SAMD5: variants seen among roughly 807,000 people sequenced by gnomAD.
SAMD5 encodes the protein sterile alpha motif domain-containing protein 5.
Under a neutral mutation model 11.3 loss-of-function variants are expected in SAMD5, and 13 were observed. The observed-to-expected ratio is 1.15, with a 90% CI of 0.75 to 1.83. SAMD5 has a LOEUF of 1.83. SAMD5 is among the 40% of genes most tolerant of loss of function. The pLI is 0.00. For missense variants in SAMD5, 255 were observed against 239.1 expected (o/e 1.07, Z -0.44); for synonymous variants, 129 against 111.3 (o/e 1.16, Z -1.00).
At position 147,687,703 on chromosome 6, in the gene SAMD5, G is replaced by A. The variant is rs966091984; in HGVS notation, c.163-49614G>A. Among the ~76,000 whole-genome samples, 4 of 152,192 alleles carry A rather than the reference G, an allele frequency of 2.6e-5. 1 individual carries two copies. The highest frequency in any genetic ancestry group is 1.9e-4 in the East Asian group (1 of 5,178). ...TATAAAGGATATTTTATTTATGAAG[G>A]ATGTTGTTACACCTGTAGAGTGTTT... On this transcript the variant is annotated intron_variant, in intron 1 of 1. Transcript: ENST00000566741.
At chr6:147,858,681 C>T in the SAMD5 span, among the ~76,000 whole-genome samples, 1 of 152,204 alleles carries the variant, frequency 6.6e-6, no homozygotes, top group Non-Finnish European at 1.5e-5. Flanking sequence ...TAAATCGCCC[C>T]ATCAGGCCTT....
chr6:147,838,517 A>T, the SAMD5 span, among the ~76,000 whole-genome samples: 13 of 148,632 alleles, frequency 8.7e-5, no homozygotes, highest in Admixed American at 8.8e-4. Context: ...CACACTAGGA[A>T]CTAAGAATAT....
chr6:147,926,714 A>G, the SAMD5 span, among the ~76,000 whole-genome samples: 1 of 152,074 alleles, frequency 6.6e-6, no homozygotes, highest in Non-Finnish European at 1.5e-5. Flanking sequence ...TTTTGTTGCA[A>G]TTGCTTTTGG....
At chr6:147,895,747 G>A in the SAMD5 span, among the ~76,000 whole-genome samples, 1 of 152,200 alleles carries the variant, frequency 6.6e-6, no homozygotes, top group African/African-American at 2.4e-5. Flanking sequence ...TGACTGGTTT[G>A]ACCTCGGCCA....
chr6:147,803,539 C>T, the SAMD5 span, among the ~76,000 whole-genome samples: 1 of 152,164 alleles, frequency 6.6e-6, no homozygotes, highest in African/African-American at 2.4e-5. Context: ...ATGCCCATGT[C>T]TTATAGCATA....
At chr6:147,608,376 C>G (rs1789732770) in intron 1 of SAMD5, among the ~76,000 whole-genome samples, 1 of 152,126 alleles carries the variant, frequency 6.6e-6, no homozygotes. Flanking sequence ...ACAGCTAAGA[C>G]TTGGGAGCAA....
At chr6:147,646,112 G>A (rs1790396844) in intron 1 of SAMD5, among the ~76,000 whole-genome samples, 1 of 151,622 alleles carries the variant, frequency 6.6e-6, no homozygotes, top group South Asian at 2.1e-4. Flanking sequence ...TGAACAATAT[G>A]GGGGTTAGAG....
chr6:147,667,259 A>G (rs566190648), intron 1 of SAMD5, among the ~76,000 whole-genome samples: 2 of 152,078 alleles, frequency 1.3e-5, no homozygotes, highest in African/African-American at 2.4e-5. Flanking sequence ...GTAAGGTGTT[A>G]TTGTTGTTGT....
chr6:147,936,075 A>G, the SAMD5 span, among the ~76,000 whole-genome samples: 1 of 152,212 alleles, frequency 6.6e-6, no homozygotes, highest in African/African-American at 2.4e-5. Flanking sequence ...ACAGAGTTCA[A>G]GAGAGAGTAA....
chr6:147,833,345 A>C, the SAMD5 span, among the ~76,000 whole-genome samples: 7,782 of 152,292 alleles, frequency 0.051, 661 homozygotes, highest in African/African-American at 0.18. Context: ...GAATTATTCC[A>C]AATTTGGGGA....
chr6:147,726,128 G>T (rs989158768), intron 1 of SAMD5, among the ~76,000 whole-genome samples: 1 of 152,142 alleles, frequency 6.6e-6, no homozygotes, highest in African/African-American at 2.4e-5. Flanking sequence ...GCTAGAAACT[G>T]CAAGAAATAA....
At chr6:147,554,029 T>G (rs184942386) in intron 1 of SAMD5, among the ~76,000 whole-genome samples, 3 of 152,280 alleles carry the variant, frequency 2.0e-5, no homozygotes, top group Non-Finnish European at 4.4e-5. Flanking sequence ...GGAAAGAGCT[T>G]TAATTGACTC....
the SAMD5 span, among the ~76,000 whole-genome samples, chr6:147,856,319 C>T: frequency 1.2e-3 from 189 of 152,102 alleles, no homozygotes; most frequent in East Asian, 0.014. Flanking sequence ...GGAGAAATGA[C>T]AAAGGAGAAT....
At chr6:147,608,908 C>T (rs1789741536) in intron 1 of SAMD5, among the ~76,000 whole-genome samples, 1 of 151,856 alleles carries the variant, frequency 6.6e-6, no homozygotes, top group East Asian at 1.9e-4. Flanking sequence ...AGCTCGTGTA[C>T]CCCATAAATA....
At chr6:147,878,594 T>C in the SAMD5 span, among the ~76,000 whole-genome samples, 1 of 146,440 alleles carries the variant, frequency 6.8e-6, no homozygotes, top group East Asian at 2.0e-4. Context: ...TAGATATATA[T>C]ACATATATAT....
chr6:147,544,685 G>A (rs6570794), intron 1 of SAMD5, among the ~76,000 whole-genome samples: 111,416 of 152,036 alleles, frequency 0.73, 41,619 homozygotes, highest in East Asian at 0.99. Context: ...GTGATGTACT[G>A]CTTTATATCC....
chr6:147,798,475 G>A, the SAMD5 span, among the ~76,000 whole-genome samples: 5 of 148,278 alleles, frequency 3.4e-5, no homozygotes, highest in East Asian at 5.9e-4. Flanking sequence ...GCTGAGGAGA[G>A]CTTTACTTCC....
the SAMD5 span, among the ~76,000 whole-genome samples, chr6:147,881,347 C>T: frequency 6.6e-6 from 1 of 152,170 alleles, no homozygotes; most frequent in African/African-American, 2.4e-5. Context: ...TGCCACCTGA[C>T]TCAAAATGAA....
At chr6:147,529,840 A>C (rs1031339073) in intron 1 of SAMD5, among the ~76,000 whole-genome samples, 3 of 152,220 alleles carry the variant, frequency 2.0e-5, no homozygotes, top group Non-Finnish European at 4.4e-5. Context: ...ACTGTTTTTG[A>C]ATATTGTCAT....
Sources: gnomAD v4.1 joint callset for allele counts (sites outside exome capture counted in the v4.1 genomes callset) on GRCh38, gnomAD v4.1.1 for gene constraint, MANE v1.5 for transcripts, NCBI Gene and HGNC (gene_info 2026-07-23, HGNC 2026-07-21) for gene names.